The following SDHAF4 variants were observed in gnomAD, a reference collection of about 807,000 sequenced individuals.
SDHAF4 encodes the protein succinate dehydrogenase complex assembly factor 4, also known as succinate dehydrogenase assembly factor 4, mitochondrial.
In SDHAF4, 14 loss-of-function variants were observed where a neutral mutation model predicts 14.3. The ratio of observed to expected loss-of-function variants is 0.98; its 90% CI spans 0.65 to 1.53. SDHAF4 has a LOEUF of 1.53. Ranked by LOEUF, SDHAF4 falls within the 40% of genes most tolerant of loss-of-function variation. The pLI, the probability that SDHAF4 is intolerant of heterozygous loss-of-function variation, is 0.00. For missense variants in SDHAF4, 141 were observed against 129.3 expected (o/e 1.09, Z -0.44); for synonymous variants, 63 against 47.3 (o/e 1.33, Z -1.36).
Position 70,582,727 on chromosome 6 carries a change from A to G in SDHAF4, c.217+3161A>G, listed in dbSNP as rs536740716. ...GTCCTGTTGCTTCTACCCTTTTAAC[A>G]TCTCTCAAATTTATTCCCTCTTACT... On this transcript the variant is annotated intron_variant, in intron 2 of 2. Transcript: ENST00000370474. Among the ~76,000 whole-genome samples, 4 of 152,112 alleles carry G rather than the reference A, an allele frequency of 2.6e-5. No individual in the cohort carries two copies. The East Asian group carries it at 5.8e-4, about 22-fold the overall frequency.
the SDHAF4 span, chr6:70,597,060 T>C: frequency 1.3e-5 from 2 of 152,224 alleles, no homozygotes; most frequent in East Asian, 1.9e-4. Context: ...ATTCACTGAA[T>C]TGATTCATTT....
At position 70,577,234 on chromosome 6, in the gene SDHAF4, G is replaced by C. The variant is rs546305158; in HGVS notation, c.65-2180G>C. On this transcript the variant is annotated intron_variant, in intron 1 of 2. Transcript: ENST00000370474. ...CTGATTAGCCACCTTAATTCTGTCT[G>C]CTACCAAAATTCTTCACCGTGTAAC... Among the ~76,000 whole-genome samples the C allele has an allele frequency of 2.9e-4, 44 of 152,228 alleles. 1 individual carries two copies. In the South Asian group the frequency reaches 9.1e-3, roughly 32 times the overall value.
chr6:70,579,400 C>T lies in SDHAF4; in HGVS notation c.65-14C>T, dbSNP rs772159457. The T allele has an allele frequency of 6.8e-7, 1 of 1,477,352 alleles. No homozygotes were observed. Among genetic ancestry groups the T allele is most frequent in the Admixed American group, 2.3e-5 (1 of 42,590 alleles). The allele number at this position is 1,477,352 out of a possible 1,614,324, so 91.5% of individuals were successfully genotyped here. On this transcript the variant is annotated splice_polypyrimidine_tract_variant and intron_variant, in intron 1 of 2. Coordinates refer to ENST00000370474, the MANE Select transcript of SDHAF4 (RefSeq NM_145267.3). ...TGAACAGCTCCTATTTTTCTATTAT[C>T]TCCACTCTTCTAGGATCACCCCTTC...
downstream of SDHAF4, among the ~76,000 whole-genome samples, chr6:70,592,171 A>G (rs1274891095): frequency 6.6e-6 from 1 of 152,232 alleles, no homozygotes; most frequent in Non-Finnish European, 1.5e-5. Flanking sequence ...AAAATTACCC[A>G]GTATCAGGTA....
At chr6:70,573,255 C>T (rs1387667110) in intron 1 of SDHAF4, among the ~76,000 whole-genome samples, 1 of 122,926 alleles carries the variant, frequency 8.1e-6, no homozygotes, top group African/African-American at 3.6e-5. Context: ...ATTTATTCTG[C>T]TATTTGGCCT....
At chr6:70,579,259 GAGGA>G (rs1802291943) in intron 1 of SDHAF4, among the ~76,000 whole-genome samples, 151 bp from the exon 2 acceptor site, 1 of 152,202 alleles carries the variant, frequency 6.6e-6, no homozygotes, top group Non-Finnish European at 1.5e-5. Context: ...AATGGCTGGA[GAGGA>G]AGGAAGAATT....
intron 2 of SDHAF4, among the ~76,000 whole-genome samples, chr6:70,586,584 G>A (rs1232584187): frequency 6.6e-6 from 1 of 151,886 alleles, no homozygotes; most frequent in African/African-American, 2.4e-5. Context: ...GAATGAAACT[G>A]TCTGCCCACA....
At chr6:70,571,979 A>T in intron 1 of SDHAF4, among the ~76,000 whole-genome samples, 1 of 143,528 alleles carries the variant, frequency 7.0e-6, no homozygotes, top group African/African-American at 2.6e-5. Flanking sequence ...TCTTTTTCTC[A>T]TATTATCTAT....
At chr6:70,582,316 C>T (rs1765140861) in intron 2 of SDHAF4, among the ~76,000 whole-genome samples, 1 of 152,160 alleles carries the variant, frequency 6.6e-6, no homozygotes, top group African/African-American at 2.4e-5. Flanking sequence ...CTTCCCACCT[C>T]AGCCTCCCAA....
At chr6:70,588,163 T>A (rs1765224679) in intron 2 of SDHAF4, among the ~76,000 whole-genome samples, 1 of 152,250 alleles carries the variant, frequency 6.6e-6, no homozygotes, top group Non-Finnish European at 1.5e-5. Context: ...ACATTTACAG[T>A]TCTTTTAAAG....
chr6:70,569,487 A>G (rs527968768), intron 1 of SDHAF4, among the ~76,000 whole-genome samples: 5 of 151,750 alleles, frequency 3.3e-5, no homozygotes, highest in African/African-American at 4.8e-5. Flanking sequence ...CAGGTGATCT[A>G]TCAGCCTCGG....
chr6:70,573,667 T>C (rs1802215638), intron 1 of SDHAF4, among the ~76,000 whole-genome samples: 1 of 151,540 alleles, frequency 6.6e-6, no homozygotes, highest in Non-Finnish European at 1.5e-5. Flanking sequence ...TCTTTTCTTT[T>C]CTTTTTTTTA....
intron 2 of SDHAF4, among the ~76,000 whole-genome samples, chr6:70,580,354 T>C (rs1444032482): frequency 2.0e-5 from 3 of 152,116 alleles, no homozygotes; most frequent in South Asian, 2.1e-4. Flanking sequence ...TGTGGAGAAA[T>C]TGAAACCCTC....
intron 1 of SDHAF4, among the ~76,000 whole-genome samples, chr6:70,571,882 G>A (rs1802183235): frequency 6.6e-6 from 1 of 151,788 alleles, no homozygotes; most frequent in African/African-American, 2.4e-5. Flanking sequence ...TTTCTGGAAA[G>A]GTTTCCATTT....
rs963659149 is a variant in SDHAF4, at chr6:70,576,299, C to T, written c.65-3115C>T. On this transcript the variant is annotated intron_variant, in intron 1 of 2. Transcript: ENST00000370474. ...ACAAAAATAGTTCTGTTTATGTTTC[C>T]AACGGCCTCAGAGTCCCTTGAGAAA... is the stretch of plus-strand genomic sequence containing the variant. 7.9e-5 allele frequency among the ~76,000 whole-genome samples: 12 copies of T among 152,198 alleles called. No individual in the cohort carries two copies. The East Asian group carries it at 2.1e-3, about 27-fold the overall frequency.
At chr6:70,596,000 A>G in the SDHAF4 span, among the ~76,000 whole-genome samples, 1 of 152,244 alleles carries the variant, frequency 6.6e-6, no homozygotes, top group African/African-American at 2.4e-5. Context: ...AAAGTGTTGT[A>G]TTAAGATAAC....
At chr6:70,592,970 G>A (rs1007439950), downstream of SDHAF4, among the ~76,000 whole-genome samples, 1 of 152,192 alleles carries the variant, frequency 6.6e-6, no homozygotes, top group Non-Finnish European at 1.5e-5. Context: ...AGGCCCAGAG[G>A]CCTAAAATGG....
chr6:70,579,865 T>C (rs1802299015), intron 2 of SDHAF4, among the ~76,000 whole-genome samples: 1 of 148,498 alleles, frequency 6.7e-6, no homozygotes, highest in Admixed American at 6.7e-5. Flanking sequence ...ATGATGTTAT[T>C]TGTATCAAAG....
At chr6:70,595,419 C>CATTT in the SDHAF4 span, among the ~76,000 whole-genome samples, 1 of 152,166 alleles carries the variant, frequency 6.6e-6, no homozygotes, top group Non-Finnish European at 1.5e-5. Flanking sequence ...TAGGACTAGT[C>CATTT]ATTTGGTCCT....
Sources: gnomAD v4.1 joint callset for allele counts (sites outside exome capture counted in the v4.1 genomes callset) on GRCh38, gnomAD v4.1.1 for gene constraint, MANE v1.5 for transcripts, NCBI Gene and HGNC (gene_info 2026-07-23, HGNC 2026-07-21) for gene names.